Variants in SHISA9 observed in about 807,000 individuals in gnomAD.
The protein encoded by SHISA9 is protein shisa-9.
A neutral mutation model predicts 38.0 loss-of-function variants in SHISA9; 13 were observed. The ratio of observed to expected loss-of-function variants is 0.34; its 90% CI spans 0.22 to 0.54. The LOEUF (loss-of-function observed/expected upper bound fraction) is 0.54, where lower values mean the gene tolerates loss of function less well. Among genes scored for constraint, SHISA9 ranks in the 20% least tolerant of loss-of-function variants. The pLI is 0.91. For synonymous variants in SHISA9, 275 were observed against 242.0 expected, an observed-to-expected ratio of 1.14 and a Z score of -1.27; for missense variants, 538 against 575.8, an observed-to-expected ratio of 0.93 and a Z score of 0.67.
chr16:13,221,256 G>A (rs1419724239), intron 4 of SHISA9, among the ~76,000 whole-genome samples: 2 of 152,134 alleles, frequency 1.3e-5, no homozygotes, highest in African/African-American at 4.8e-5. Flanking sequence ...AAGGCCCGGA[G>A]GCAGGTGAAG....
the SHISA9 span, among the ~76,000 whole-genome samples, chr16:13,384,485 G>C: frequency 6.6e-6 from 1 of 152,184 alleles, no homozygotes; most frequent in Non-Finnish European, 1.5e-5. Context: ...TGAGAATCTG[G>C]CTATGGTAGG....
chr16:12,976,342 C>A (rs1317659019), intron 2 of SHISA9, among the ~76,000 whole-genome samples: 1 of 152,152 alleles, frequency 6.6e-6, no homozygotes, highest in Non-Finnish European at 1.5e-5. Context: ...CTGCCTGCCT[C>A]AGCCTCCCAA....
At chr16:13,061,134 A>G (rs1011291247) in intron 2 of SHISA9, among the ~76,000 whole-genome samples, 2 of 152,224 alleles carry the variant, frequency 1.3e-5, no homozygotes, top group African/African-American at 2.4e-5. Context: ...CTCGTTAAAC[A>G]TAGTAAACAC....
In SHISA9 at chr16:13,031,282, G is replaced by A. The variant is rs528042690; in HGVS notation, c.691+114467G>A. Among the ~76,000 whole-genome samples, 4 of 152,254 alleles carry A rather than the reference G, an allele frequency of 2.6e-5. No individual in the cohort carries two copies. In the East Asian group the frequency reaches 7.7e-4, roughly 29 times the overall value. ...CTCCTCTGTCCACTGGAATAGGTTGGATGAAGAAACCCCAGTTATTCATGC... is the reference window on the plus strand; with the variant it reads ...CTCCTCTGTCCACTGGAATAGGTTGAATGAAGAAACCCCAGTTATTCATGC... On this transcript the variant is annotated intron_variant, in intron 2 of 4. Coordinates refer to ENST00000558583, the MANE Select transcript of SHISA9 (RefSeq NM_001145204.3).
intron 2 of SHISA9, among the ~76,000 whole-genome samples, chr16:12,917,180 A>C (rs1268147191): frequency 6.6e-6 from 1 of 152,170 alleles, no homozygotes; most frequent in South Asian, 2.1e-4. Context: ...TTAGCTAGTC[A>C]ATCTGTTAGC....
At chr16:12,967,711 G>T (rs1408956751) in intron 2 of SHISA9, among the ~76,000 whole-genome samples, 1 of 151,860 alleles carries the variant, frequency 6.6e-6, no homozygotes, top group East Asian at 1.9e-4. Flanking sequence ...ATGCCTATGA[G>T]CTCCAAAGCA....
intron 2 of SHISA9, among the ~76,000 whole-genome samples, chr16:13,059,219 C>T (rs1314272152): frequency 6.6e-6 from 1 of 150,546 alleles, no homozygotes; most frequent in Non-Finnish European, 1.5e-5. Context: ...GCTCCCCCTC[C>T]CGGGTTCATG....
the SHISA9 span, among the ~76,000 whole-genome samples, chr16:13,308,051 C>T: frequency 5.9e-5 from 9 of 152,200 alleles, no homozygotes; most frequent in African/African-American, 1.9e-4. Flanking sequence ...ATCTAATGCT[C>T]ATGTCTCCCT....
chr16:13,272,292 C>CT, the SHISA9 span, among the ~76,000 whole-genome samples: 3 of 152,110 alleles, frequency 2.0e-5, no homozygotes, highest in South Asian at 6.2e-4. Flanking sequence ...AGTTGCTGTT[C>CT]TTTTTTGAGT....
At chr16:13,019,763 CTTTTCTTTCTTT>C (rs1567183735) in intron 2 of SHISA9, among the ~76,000 whole-genome samples, 3 of 138,674 alleles carry the variant, frequency 2.2e-5, no homozygotes, top group African/African-American at 7.8e-5. Context: ...TCTTTTCTTT[CTTTTCTTTCTTT>C]CTTTCTTTCT....
intron 2 of SHISA9, among the ~76,000 whole-genome samples, chr16:12,957,962 C>T (rs1317504552): frequency 6.6e-6 from 1 of 152,202 alleles, no homozygotes; most frequent in African/African-American, 2.4e-5. Flanking sequence ...GCCTAATGAC[C>T]TCCCCAAGAT....
chr16:13,017,640 C>G (rs1164793823), intron 2 of SHISA9, among the ~76,000 whole-genome samples: 1 of 152,120 alleles, frequency 6.6e-6, no homozygotes, highest in Non-Finnish European at 1.5e-5. Context: ...CATGGATTAT[C>G]TCATTGAATC....
At chr16:12,991,632 G>T (rs1019959664) in intron 2 of SHISA9, among the ~76,000 whole-genome samples, 2 of 152,152 alleles carry the variant, frequency 1.3e-5, no homozygotes, top group Non-Finnish European at 2.9e-5. Flanking sequence ...CTCAATTAAC[G>T]TCACTCTGTT....
intron 2 of SHISA9, among the ~76,000 whole-genome samples, chr16:12,967,479 C>A (rs1423642434): frequency 6.6e-6 from 1 of 151,938 alleles, no homozygotes; most frequent in Admixed American, 6.6e-5. Flanking sequence ...TTAATGGGTG[C>A]AGCACACCAA....
intron 2 of SHISA9, among the ~76,000 whole-genome samples, chr16:13,063,091 C>T (rs1405810494): frequency 6.6e-6 from 1 of 152,180 alleles, no homozygotes. Context: ...ACTGCAACCT[C>T]AGCCTCCCGG....
chr16:13,210,872 C>A (rs1299187793), intron 3 of SHISA9, among the ~76,000 whole-genome samples: 2 of 152,192 alleles, frequency 1.3e-5, no homozygotes, highest in East Asian at 3.8e-4. Context: ...TGAAACTATG[C>A]TGTCTTCTGC....
At chr16:13,139,976 G>A (rs1323236632) in intron 2 of SHISA9, among the ~76,000 whole-genome samples, 1 of 152,010 alleles carries the variant, frequency 6.6e-6, no homozygotes, top group Non-Finnish European at 1.5e-5. Flanking sequence ...TGCCCAGCTT[G>A]GCTCTGGCTT....
At chr16:13,466,278 C>T in the SHISA9 span, among the ~76,000 whole-genome samples, 2 of 152,186 alleles carry the variant, frequency 1.3e-5, no homozygotes, top group South Asian at 2.1e-4. Flanking sequence ...AGTGATGGTG[C>T]TGGCTGGGAT....
chr16:13,211,224 G>A (rs1345534237), intron 3 of SHISA9, among the ~76,000 whole-genome samples: 1 of 151,700 alleles, frequency 6.6e-6, no homozygotes, highest in African/African-American at 2.4e-5. Context: ...TTGAACCCGG[G>A]GGGCAGTGGG....
Sources: gnomAD v4.1 joint callset for allele counts (sites outside exome capture counted in the v4.1 genomes callset) on GRCh38, gnomAD v4.1.1 for gene constraint, MANE v1.5 for transcripts, NCBI Gene and HGNC (gene_info 2026-07-23, HGNC 2026-07-21) for gene names.